Variants in CNTNAP2 observed in about 807,000 individuals in gnomAD.
CNTNAP2 encodes the protein contactin associated protein 2.
A neutral mutation model predicts 155.2 loss-of-function variants in CNTNAP2; 98 were observed. The ratio of observed to expected loss-of-function variants is 0.63; its 90% CI spans 0.54 to 0.75. The LOEUF is 0.75. CNTNAP2 is among the 30% of genes least tolerant of loss of function. The pLI, the probability that CNTNAP2 is intolerant of heterozygous loss-of-function variation, is 0.00. For missense variants in CNTNAP2, 1,727 were observed against 1,688.1 expected, an observed-to-expected ratio of 1.02 and a Z score of -0.40; for synonymous variants, 651 against 631.2, an observed-to-expected ratio of 1.03 and a Z score of -0.47.
At chr7:148,351,675 G>A (rs143805965) in intron 21 of CNTNAP2, among the ~76,000 whole-genome samples, 3,479 of 145,806 alleles carry the variant, frequency 0.024, 52 homozygotes, top group African/African-American at 0.047. Flanking sequence ...CCCAGGAGCC[G>A]GAGGTTGCAG....
At chr7:146,717,253 T>G (rs772999832) in intron 1 of CNTNAP2, among the ~76,000 whole-genome samples, 1 of 151,600 alleles carries the variant, frequency 6.6e-6, no homozygotes, top group African/African-American at 2.4e-5. Context: ...TTTAACCTAG[T>G]TTTCTTTGGG....
At chr7:146,338,189 T>C (rs1484773873) in intron 1 of CNTNAP2, among the ~76,000 whole-genome samples, 1 of 152,106 alleles carries the variant, frequency 6.6e-6, no homozygotes, top group Non-Finnish European at 1.5e-5. Flanking sequence ...CTGTCCAAAG[T>C]ACACACATAT....
chr7:146,683,491 T>A (rs1473385323), intron 1 of CNTNAP2, among the ~76,000 whole-genome samples: 3 of 152,236 alleles, frequency 2.0e-5, no homozygotes, highest in Non-Finnish European at 4.4e-5. Flanking sequence ...GAAGACCAGA[T>A]GAACTCAAAC....
At chr7:147,563,627 CAATA>C (rs35385008) in intron 12 of CNTNAP2, among the ~76,000 whole-genome samples, 66,652 of 149,004 alleles carry the variant, frequency 0.45, 15,014 homozygotes, top group East Asian at 0.6. Flanking sequence ...GACTCCATCT[CAATA>C]AATAAATAAA....
chr7:148,069,408 T>C (rs979899213), intron 15 of CNTNAP2, among the ~76,000 whole-genome samples: 1 of 152,034 alleles, frequency 6.6e-6, no homozygotes, highest in Admixed American at 6.6e-5. Flanking sequence ...GTTTCTGTGG[T>C]CTAAGAAATC....
intron 9 of CNTNAP2, 30 bp from the exon 10 acceptor site, chr7:147,395,579 A>G (rs375830402): frequency 3.7e-6 from 6 of 1,609,144 alleles, no homozygotes; most frequent in Non-Finnish European, 5.1e-6. Flanking sequence ...TGTACACCAG[A>G]TTTACATTCC....
intron 13 of CNTNAP2, among the ~76,000 whole-genome samples, chr7:147,816,473 T>C (rs771520250): frequency 2.0e-5 from 3 of 152,152 alleles, no homozygotes; most frequent in Non-Finnish European, 4.4e-5. Context: ...TATGGAAATG[T>C]AGGGTAAAAA....
intron 4 of CNTNAP2, chr7:147,080,947 T>C (rs1417067532): frequency 1.3e-5 from 2 of 151,996 alleles, no homozygotes; most frequent in Non-Finnish European, 2.9e-5. Context: ...ACACATAATA[T>C]TGTTTATTTC....
chr7:148,405,076 G>T (rs1799667691), intron 22 of CNTNAP2, among the ~76,000 whole-genome samples: 2 of 152,066 alleles, frequency 1.3e-5, no homozygotes, highest in Admixed American at 1.3e-4. Context: ...TCTCATTTAG[G>T]GCTGTGGGCT....
At chr7:146,410,976 G>A (rs1795856788) in intron 1 of CNTNAP2, among the ~76,000 whole-genome samples, 1 of 152,026 alleles carries the variant, frequency 6.6e-6, no homozygotes, top group Non-Finnish European at 1.5e-5. Context: ...CTATTCCATG[G>A]TATAAATACC....
intron 13 of CNTNAP2, among the ~76,000 whole-genome samples, chr7:147,692,033 A>G (rs568952745): frequency 1.3e-5 from 2 of 152,224 alleles, no homozygotes; most frequent in African/African-American, 4.8e-5. Flanking sequence ...CCACTTCTCC[A>G]GATTCTGACA....
intron 1 of CNTNAP2, among the ~76,000 whole-genome samples, chr7:146,694,836 T>C (rs945412580): frequency 6.6e-6 from 1 of 152,228 alleles, no homozygotes; most frequent in African/African-American, 2.4e-5. Flanking sequence ...ATCTAAGTGT[T>C]TGATAATTTT....
chr7:147,302,061 TCAAA>T (rs1223570382), intron 9 of CNTNAP2, among the ~76,000 whole-genome samples: 1 of 152,200 alleles, frequency 6.6e-6, no homozygotes, highest in East Asian at 1.9e-4. Context: ...TAGACGAAAG[TCAAA>T]CAAGCTGTCT....
intron 5 of CNTNAP2, among the ~76,000 whole-genome samples, chr7:147,116,554 G>A (rs568851570): frequency 2.0e-5 from 3 of 151,918 alleles, no homozygotes; most frequent in Non-Finnish European, 4.4e-5. Flanking sequence ...TGGATGGGGG[G>A]ATGGGGCAGT....
chr7:147,812,735 T>G (rs1280638812), intron 13 of CNTNAP2, among the ~76,000 whole-genome samples: 1 of 152,140 alleles, frequency 6.6e-6, no homozygotes, highest in Non-Finnish European at 1.5e-5. Flanking sequence ...GTTATGACAA[T>G]ATACTTCTTT....
intron 1 of CNTNAP2, among the ~76,000 whole-genome samples, chr7:146,719,633 A>T (rs1008118192): frequency 2.6e-5 from 4 of 151,992 alleles, no homozygotes; most frequent in African/African-American, 7.2e-5. Flanking sequence ...ATCTTTACAT[A>T]TTCTTTCTAA....
intron 1 of CNTNAP2, among the ~76,000 whole-genome samples, chr7:146,275,149 A>G (rs959262196): frequency 2.0e-5 from 3 of 152,220 alleles, no homozygotes; most frequent in South Asian, 2.1e-4. Context: ...TTGAAAGTCA[A>G]TTCTCCCTCT....
intron 20 of CNTNAP2, among the ~76,000 whole-genome samples, chr7:148,265,424 C>G (rs1470492790): frequency 6.6e-6 from 1 of 152,108 alleles, no homozygotes; most frequent in Admixed American, 6.5e-5. Context: ...CCGGTGCACA[C>G]CACCACACCC....
At chr7:146,419,923 G>C (rs1321989919) in intron 1 of CNTNAP2, among the ~76,000 whole-genome samples, 2 of 152,036 alleles carry the variant, frequency 1.3e-5, no homozygotes, top group East Asian at 3.9e-4. Context: ...CAAAACATTA[G>C]ATGGATTTAA....
Sources: allele counts gnomAD v4.1 joint callset (sites outside exome capture counted in the v4.1 genomes callset), GRCh38; gene constraint gnomAD v4.1.1; transcripts MANE v1.5; gene names NCBI Gene and HGNC (gene_info 2026-07-23, HGNC 2026-07-21).